NRXN1: variants seen among roughly 807,000 people sequenced by gnomAD.
NRXN1 encodes the protein neurexin-1.
Under a neutral mutation model 150.9 loss-of-function variants are expected in NRXN1, and 39 were observed. That is an observed-to-expected ratio of 0.26 (90% CI 0.20 to 0.34). The LOEUF (loss-of-function observed/expected upper bound fraction) is 0.34, where lower values mean the gene tolerates loss of function less well. Ranked by LOEUF, NRXN1 falls within the 10% of genes least tolerant of loss-of-function variation. NRXN1 has a pLI of 1.00. For missense variants in NRXN1, 1,815 were observed against 1,949.9 expected, an observed-to-expected ratio of 0.93 and a Z score of 1.30; for synonymous variants, 924 against 757.0, an observed-to-expected ratio of 1.22 and a Z score of -3.62.
intron 5 of NRXN1, among the ~76,000 whole-genome samples, chr2:50,665,681 T>C (rs1190544797): frequency 6.6e-6 from 1 of 152,042 alleles, no homozygotes; most frequent in African/African-American, 2.4e-5. Context: ...GGTTTTGCTG[T>C]GGTTTTGGAG....
chr2:50,864,085 T>C (rs938665318), intron 5 of NRXN1, among the ~76,000 whole-genome samples: 1 of 151,966 alleles, frequency 6.6e-6, no homozygotes, highest in African/African-American at 2.4e-5. Context: ...GCTTACTCAA[T>C]TTACACACAA....
intron 8 of NRXN1, among the ~76,000 whole-genome samples, chr2:50,588,035 T>C (rs1319750585): frequency 1.3e-5 from 2 of 152,196 alleles, no homozygotes; most frequent in Non-Finnish European, 2.9e-5. Context: ...ATTTTATCTG[T>C]TAGCTAAATG....
At chr2:50,435,607 A>T (rs746938710) in intron 17 of NRXN1, among the ~76,000 whole-genome samples, 3 of 152,192 alleles carry the variant, frequency 2.0e-5, no homozygotes, top group Non-Finnish European at 4.4e-5. Context: ...ATGAATATAC[A>T]CAGGCATGCG....
intron 17 of NRXN1, among the ~76,000 whole-genome samples, chr2:50,259,967 C>T (rs624753): frequency 0.46 from 68,999 of 151,432 alleles, 16,245 homozygotes; most frequent in African/African-American, 0.55. Context: ...CCTGCATGTA[C>T]AGATGAAATT....
chr2:50,334,954 T>C (rs1227199235), intron 17 of NRXN1, among the ~76,000 whole-genome samples: 1 of 152,166 alleles, frequency 6.6e-6, no homozygotes, highest in Non-Finnish European at 1.5e-5. Context: ...ACTGTTGATA[T>C]CACAGCTTAA....
At chr2:51,003,706 T>C (rs1277329046) in intron 2 of NRXN1, among the ~76,000 whole-genome samples, 2 of 151,832 alleles carry the variant, frequency 1.3e-5, no homozygotes, top group East Asian at 2.0e-4. Context: ...GTACACACAA[T>C]AGTAACATAT....
intron 8 of NRXN1, among the ~76,000 whole-genome samples, chr2:50,608,735 T>C (rs959022612): frequency 6.6e-6 from 1 of 152,132 alleles, no homozygotes; most frequent in African/African-American, 2.4e-5. Context: ...AATTTACTCT[T>C]TCAAACAAAC....
intron 18 of NRXN1, among the ~76,000 whole-genome samples, chr2:50,133,446 G>T (rs1437835880): frequency 3.9e-5 from 6 of 152,182 alleles, no homozygotes; most frequent in African/African-American, 1.4e-4. Flanking sequence ...AACATAGGTG[G>T]AGTAGATATG....
intron 18 of NRXN1, among the ~76,000 whole-genome samples, chr2:50,161,340 C>T (rs1386309631): frequency 6.6e-6 from 1 of 152,144 alleles, no homozygotes; most frequent in Non-Finnish European, 1.5e-5. Context: ...AAAATCTGGA[C>T]TAGAATTCAA....
intron 5 of NRXN1, among the ~76,000 whole-genome samples, chr2:50,817,716 T>C (rs890469972): frequency 6.6e-6 from 1 of 152,050 alleles, no homozygotes; most frequent in Non-Finnish European, 1.5e-5. Flanking sequence ...CAAAAGCAAA[T>C]CAATGTAATA....
intron 12 of NRXN1, among the ~76,000 whole-genome samples, chr2:50,514,950 C>G (rs1020224174): frequency 6.6e-6 from 1 of 152,138 alleles, no homozygotes; most frequent in Non-Finnish European, 1.5e-5. Flanking sequence ...TAAGAAACAA[C>G]TAAAATCAAT....
At chr2:50,720,443 C>T (rs1696493806) in intron 5 of NRXN1, among the ~76,000 whole-genome samples, 1 of 152,138 alleles carries the variant, frequency 6.6e-6, no homozygotes, top group South Asian at 2.1e-4. Context: ...AAAACATCTC[C>T]AGTCCTTAAG....
intron 5 of NRXN1, among the ~76,000 whole-genome samples, chr2:50,734,285 C>T (rs920736334): frequency 1.3e-5 from 2 of 152,100 alleles, no homozygotes; most frequent in African/African-American, 4.8e-5. Flanking sequence ...AGAGGAAGCA[C>T]TCTTTTAAGG....
intron 8 of NRXN1, among the ~76,000 whole-genome samples, chr2:50,599,690 A>T (rs60788817): frequency 2.6e-5 from 4 of 152,106 alleles, no homozygotes; most frequent in Admixed American, 2.6e-4. Flanking sequence ...TAAGGAATAC[A>T]TGATCAGGAA....
intron 8 of NRXN1, among the ~76,000 whole-genome samples, chr2:50,575,308 C>CA (rs949451041): frequency 2.2e-4 from 33 of 152,290 alleles, no homozygotes; most frequent in Admixed American, 1.1e-3. Flanking sequence ...CATTGCTGTG[C>CA]AATCAGCCCT....
intron 18 of NRXN1, among the ~76,000 whole-genome samples, chr2:50,173,688 T>C (rs2060166298): frequency 6.6e-6 from 1 of 152,230 alleles, no homozygotes. Flanking sequence ...GTGTATTTTA[T>C]ACTGCTACTG....
At chr2:50,419,076 T>C (rs574190703) in intron 17 of NRXN1, among the ~76,000 whole-genome samples, 2 of 152,196 alleles carry the variant, frequency 1.3e-5, no homozygotes, top group East Asian at 1.9e-4. Flanking sequence ...TGCCCCAAAA[T>C]TGTCATCAAA....
chr2:50,490,464 G>A (rs77136748), intron 15 of NRXN1, among the ~76,000 whole-genome samples: 2,992 of 152,284 alleles, frequency 0.02, 106 homozygotes, highest in African/African-American at 0.069. Flanking sequence ...AGCCTAGCCA[G>A]TAGCAGCAGG....
intron 21 of NRXN1, among the ~76,000 whole-genome samples, chr2:50,039,249 T>C (rs1407478124): frequency 6.6e-6 from 1 of 151,932 alleles, no homozygotes; most frequent in Non-Finnish European, 1.5e-5. Flanking sequence ...GTAGATCACC[T>C]GAGGTCAGGA....
Sources: gnomAD v4.1 joint callset for allele counts (sites outside exome capture counted in the v4.1 genomes callset) on GRCh38, gnomAD v4.1.1 for gene constraint, MANE v1.5 for transcripts, NCBI Gene and HGNC (gene_info 2026-07-23, HGNC 2026-07-21) for gene names.